Variants in ADGRE3 observed in about 807,000 individuals in gnomAD.
ADGRE3 encodes the protein adhesion G protein-coupled receptor E3, also known as EGF-like module receptor 3.
ADGRE3 carries 88 observed loss-of-function variants against 80.1 expected under a neutral mutation model. The ratio of observed to expected loss-of-function variants is 1.10; its 90% CI spans 0.93 to 1.31. ADGRE3 has a LOEUF of 1.31. Among genes scored for constraint, ADGRE3 ranks in the 40% most tolerant of loss-of-function variants. ADGRE3 has a pLI of 0.00. For missense variants in ADGRE3, 715 were observed against 776.5 expected, an observed-to-expected ratio of 0.92 and a Z score of 0.94; for synonymous variants, 281 against 294.8, an observed-to-expected ratio of 0.95 and a Z score of 0.48.
chr19:14,606,605 A>G, the ADGRE3 span, among the ~76,000 whole-genome samples: 1 of 150,752 alleles, frequency 6.6e-6, no homozygotes, highest in Non-Finnish European at 1.5e-5. Flanking sequence ...GCTTGAACCC[A>G]GGAGGTGGAA....
At chr19:14,630,436 T>C (rs936680970) in intron 13 of ADGRE3, among the ~76,000 whole-genome samples, 4 of 150,636 alleles carry the variant, frequency 2.7e-5, no homozygotes, top group African/African-American at 1.0e-4. Flanking sequence ...TGAGATGGAG[T>C]CTTGCTCTGT....
chr19:14,623,935 G>T, intron 15 of ADGRE3, among the ~76,000 whole-genome samples: 1 of 152,108 alleles, frequency 6.6e-6, no homozygotes, highest in East Asian at 1.9e-4. Context: ...TCGGGAAAAG[G>T]ACTCTTCCTC....
At chr19:14,638,060 T>A in intron 11 of ADGRE3, 45 bp downstream of exon 11, 14 of 1,447,154 alleles carry the variant, frequency 9.7e-6, no homozygotes, top group Non-Finnish European at 1.4e-5. Flanking sequence ...CCTCAAAAGC[T>A]TTCTTAGGAA....
At chr19:14,615,402 G>A (rs911857652), downstream of ADGRE3, among the ~76,000 whole-genome samples, 1 of 151,784 alleles carries the variant, frequency 6.6e-6, no homozygotes, top group Non-Finnish European at 1.5e-5. Context: ...TGCCTAGAGA[G>A]ATAGCCTGCT....
chr19:14,602,820 C>T, the ADGRE3 span, among the ~76,000 whole-genome samples: 1 of 152,014 alleles, frequency 6.6e-6, no homozygotes, highest in Non-Finnish European at 1.5e-5. Context: ...ACTGCAACCT[C>T]TGCCTCCCGA....
At position 14,674,798 on chromosome 19, in the gene ADGRE3, C is replaced by T. The variant is rs759520903; in HGVS notation, c.-28G>A. On this transcript the variant is annotated 5_prime_UTR_variant, in exon 1 of 16. Transcript: ENST00000253673. ...CTGTGGTACGGGTATCCCACGCCAG[C>T]CAGCCCTGGAAGCTCTCTACTGTGC... The T allele has an allele frequency of 6.8e-6, 11 of 1,613,048 alleles. No individual in the cohort carries two copies. Among genetic ancestry groups the T allele is most frequent in the Non-Finnish European group, 9.3e-6 (11 of 1,179,462 alleles).
the ADGRE3 span, chr19:14,610,765 C>T: frequency 6.5e-6 from 1 of 152,672 alleles, no homozygotes; most frequent in Admixed American, 6.5e-5. Context: ...AATGGATCCT[C>T]CTACTTGGGC....
chr19:14,673,962 G>A (rs1019952667), intron 1 of ADGRE3, among the ~76,000 whole-genome samples: 2 of 151,998 alleles, frequency 1.3e-5, no homozygotes, highest in African/African-American at 4.8e-5. Context: ...AGCTCCCACT[G>A]ATAAACAAGA....
chr19:14,619,891 A>G (rs1271764948), intron 15 of ADGRE3, among the ~76,000 whole-genome samples: 3 of 152,178 alleles, frequency 2.0e-5, no homozygotes, highest in Middle Eastern at 3.2e-3. Flanking sequence ...AGCAGCCCCA[A>G]GCTCCACAGA....
At chr19:14,652,818 A>G (rs1971645609) in intron 6 of ADGRE3, among the ~76,000 whole-genome samples, 1 of 151,416 alleles carries the variant, frequency 6.6e-6, no homozygotes, top group Admixed American at 6.6e-5. Context: ...GACATTAATG[A>G]CATTCTAGAA....
rs953404366 is a variant in ADGRE3 at position 14,621,123 on chromosome 19, G to A, written c.1921-1652C>T. ...TAATCTTTGCCTCCCAGGTTCAAGC[G>A]ATTCTCTTGCCTCAGTCTCCTGAGT... On this transcript the variant is annotated intron_variant, in intron 15 of 15. Transcript: ENST00000253673. 2.0e-5 allele frequency among the ~76,000 whole-genome samples: 3 copies of A among 151,920 alleles called. No homozygotes were observed. In the South Asian group the frequency reaches 6.2e-4, roughly 31 times the overall value.
chr19:14,601,324 T>C, the ADGRE3 span, among the ~76,000 whole-genome samples: 1 of 152,316 alleles, frequency 6.6e-6, no homozygotes, highest in East Asian at 1.9e-4. Flanking sequence ...AAAAGTCACA[T>C]GTACACGCCT....
chr19:14,660,929 C>T lies in ADGRE3; in HGVS notation c.355+1034G>A, dbSNP rs1336423340. ...GTAAGATCTGGAGCGGGTTGGTGGTCATATTTCCTTTTTTTTTTTTTTTTT... is the reference window on the plus strand; with the variant it reads ...GTAAGATCTGGAGCGGGTTGGTGGTTATATTTCCTTTTTTTTTTTTTTTTT... On this transcript the variant is annotated intron_variant, in intron 4 of 15. Coordinates refer to ENST00000253673, the MANE Select transcript of ADGRE3 (RefSeq NM_032571.5). 3.7e-5 allele frequency among the ~76,000 whole-genome samples: 5 copies of T among 134,956 alleles called. No individual in the cohort carries two copies. The South Asian group carries it at 7.3e-4, about 20-fold the overall frequency. 88.5% of individuals were successfully genotyped at this position (134,956 alleles called of 152,430 possible).
At chr19:14,652,107 C>T (rs778768255) in intron 6 of ADGRE3, among the ~76,000 whole-genome samples, 1 of 151,418 alleles carries the variant, frequency 6.6e-6, no homozygotes, top group Non-Finnish European at 1.5e-5. Flanking sequence ...GGAACCAGGG[C>T]TTCAAATAAA....
the ADGRE3 span, among the ~76,000 whole-genome samples, chr19:14,602,882 C>T: frequency 2.0e-5 from 3 of 151,842 alleles, no homozygotes; most frequent in Admixed American, 1.3e-4. Flanking sequence ...ATTACAGGCG[C>T]CCACCACCAT....
chr19:14,633,508 C>T (rs891275355), intron 11 of ADGRE3, among the ~76,000 whole-genome samples: 27 of 151,802 alleles, frequency 1.8e-4, no homozygotes, highest in Admixed American at 3.3e-4. Context: ...AGCTTGAGAC[C>T]ATCCTGGCTA....
intron 8 of ADGRE3, 74 bp downstream of exon 8, chr19:14,647,107 G>T: frequency 7.9e-7 from 1 of 1,267,364 alleles, no homozygotes; most frequent in Non-Finnish European, 1.1e-6. Flanking sequence ...TAGAACCACA[G>T]CCTGGGATGA....
At chr19:14,658,596 CCAGG>C in intron 4 of ADGRE3, 46 bp from the exon 5 acceptor site, 16 of 1,476,154 alleles carry the variant, frequency 1.1e-5, no homozygotes, top group Non-Finnish European at 1.5e-5. Context: ...CTGAGAGTGA[CCAGG>C]CAGAGGGGTG....
chr19:14,666,942 C>T (rs768743896), intron 2 of ADGRE3, among the ~76,000 whole-genome samples: 2 of 152,124 alleles, frequency 1.3e-5, no homozygotes, highest in African/African-American at 4.8e-5. Context: ...TTCATGTCCA[C>T]CCAGAACCTC....
Sources: allele counts gnomAD v4.1 joint callset (sites outside exome capture counted in the v4.1 genomes callset), GRCh38; gene constraint gnomAD v4.1.1; transcripts MANE v1.5; gene names NCBI Gene and HGNC (gene_info 2026-07-23, HGNC 2026-07-21).